Variants in ZBTB20 observed in about 807,000 individuals in gnomAD.
ZBTB20 encodes the protein zinc finger and BTB domain-containing protein 20.
In ZBTB20, 9 loss-of-function variants were observed where a neutral mutation model predicts 56.9. The observed-to-expected ratio is 0.16, with a 90% CI of 0.10 to 0.28. The LOEUF is 0.28. Among genes scored for constraint, ZBTB20 ranks in the 10% least tolerant of loss-of-function variants. The pLI, the probability that ZBTB20 is intolerant of heterozygous loss-of-function variation, is 1.00. For synonymous variants in ZBTB20, 417 were observed against 420.7 expected (o/e 0.99, Z 0.11); for missense variants, 655 against 1,003.0 (o/e 0.65, Z 4.69).
At chr3:114,432,262 A>G in intron 7 of ZBTB20, among the ~76,000 whole-genome samples, 1 of 152,180 alleles carries the variant, frequency 6.6e-6, no homozygotes, top group East Asian at 1.9e-4. Context: ...TCAGGCCAGG[A>G]CACCAAGAGT....
chr3:114,784,460 G>T (rs1204267905), intron 5 of ZBTB20, among the ~76,000 whole-genome samples: 2 of 152,124 alleles, frequency 1.3e-5, no homozygotes, highest in African/African-American at 4.8e-5. Flanking sequence ...CTGATCCACT[G>T]CCCAATCATA....
At chr3:114,896,656 A>G (rs528419999) in intron 4 of ZBTB20, among the ~76,000 whole-genome samples, 1 of 152,216 alleles carries the variant, frequency 6.6e-6, no homozygotes, top group Admixed American at 6.5e-5. Flanking sequence ...TAGTTTTACA[A>G]CATGAAAGTG....
chr3:114,877,107 T>C (rs914373571), intron 4 of ZBTB20, among the ~76,000 whole-genome samples: 2 of 152,238 alleles, frequency 1.3e-5, no homozygotes, highest in Admixed American at 1.3e-4. Flanking sequence ...AGGCATTTAC[T>C]ATATAATTGC....
chr3:114,708,644 A>C (rs2063862218), intron 5 of ZBTB20, among the ~76,000 whole-genome samples: 2 of 152,192 alleles, frequency 1.3e-5, no homozygotes, highest in Admixed American at 1.3e-4. Flanking sequence ...GATACCACTT[A>C]ATTACATGAA....
intron 6 of ZBTB20, among the ~76,000 whole-genome samples, chr3:114,656,309 C>T (rs2060403572): frequency 6.6e-6 from 1 of 152,142 alleles, no homozygotes; most frequent in African/African-American, 2.4e-5. Context: ...AAATTTTGGA[C>T]ATTTTCAGCT....
chr3:114,588,010 T>C (rs569509053), intron 6 of ZBTB20, among the ~76,000 whole-genome samples: 1 of 152,306 alleles, frequency 6.6e-6, no homozygotes, highest in East Asian at 1.9e-4. Flanking sequence ...ATGGAGGGTG[T>C]TTGGCGGCAT....
At chr3:114,519,893 A>C (rs1237379713) in intron 6 of ZBTB20, 1 of 152,196 alleles carries the variant, frequency 6.6e-6, no homozygotes, top group East Asian at 1.9e-4. Flanking sequence ...GAAAATTTCA[A>C]GTATTGTCAG....
intron 4 of ZBTB20, among the ~76,000 whole-genome samples, chr3:114,893,107 A>T (rs545368726): frequency 6.6e-6 from 1 of 152,262 alleles, no homozygotes; most frequent in East Asian, 1.9e-4. Context: ...TTTGTACAAA[A>T]AGGGGCCAAG....
intron 7 of ZBTB20, among the ~76,000 whole-genome samples, chr3:114,415,150 C>T (rs1267918118): frequency 6.6e-6 from 1 of 152,134 alleles, no homozygotes; most frequent in African/African-American, 2.4e-5. Context: ...AATTTCCTTA[C>T]ATTCCCTCAA....
intron 5 of ZBTB20, among the ~76,000 whole-genome samples, chr3:114,791,057 T>C (rs2070925276): frequency 6.6e-6 from 1 of 152,138 alleles, no homozygotes; most frequent in Admixed American, 6.6e-5. Context: ...ATTTATAAAC[T>C]AGCCTTATTC....
chr3:114,463,648 A>G (rs1351262524), intron 7 of ZBTB20, among the ~76,000 whole-genome samples: 1 of 152,194 alleles, frequency 6.6e-6, no homozygotes, highest in Non-Finnish European at 1.5e-5. Flanking sequence ...TTAATATAAA[A>G]AATCTGCTTA....
chr3:114,398,828 C>A (rs1576590019), intron 7 of ZBTB20, among the ~76,000 whole-genome samples: 1 of 152,154 alleles, frequency 6.6e-6, no homozygotes, highest in African/African-American at 2.4e-5. Context: ...CAACTATTTA[C>A]AGAATCTGCT....
intron 7 of ZBTB20, among the ~76,000 whole-genome samples, chr3:114,449,684 A>T (rs1445750805): frequency 6.6e-5 from 2 of 30,514 alleles, no homozygotes; most frequent in Admixed American, 3.5e-4. Context: ...GCCTAGCTTT[A>T]AAAAAAAAAA....
chr3:114,937,901 G>C (rs963816487), intron 3 of ZBTB20, among the ~76,000 whole-genome samples: 4 of 151,968 alleles, frequency 2.6e-5, no homozygotes, highest in African/African-American at 4.8e-5. Flanking sequence ...ATCAAGACCA[G>C]CCTGGCTAAC....
At chr3:114,753,563 T>C (rs1020192344) in intron 5 of ZBTB20, among the ~76,000 whole-genome samples, 1 of 151,654 alleles carries the variant, frequency 6.6e-6, no homozygotes, top group Admixed American at 6.6e-5. Flanking sequence ...GCCACCCAAG[T>C]AGCTTTGATT....
At chr3:114,500,516 G>A (rs568430788) in intron 6 of ZBTB20, 125 bp from the exon 7 acceptor site, 6 of 152,298 alleles carry the variant, frequency 3.9e-5, no homozygotes, top group Non-Finnish European at 7.4e-5. Flanking sequence ...GGGACTGGTT[G>A]TTCCTAAAGG....
Position 114,939,086 on chromosome 3 carries a change from A to C in ZBTB20, c.-456+35280T>G, listed in dbSNP as rs553006913. ...TGAATGTTGTGGTGGATCCACAGGT[A>C]TAGCAGCTGGAGGCTGTCAATTATC... is the stretch of plus-strand genomic sequence containing the variant. On this transcript the variant is annotated intron_variant, in intron 3 of 11. Coordinates refer to ENST00000675478, the MANE Select transcript of ZBTB20 (RefSeq NM_001348800.3). Among the ~76,000 whole-genome samples, 3 of 145,832 alleles carry C rather than the reference A, an allele frequency of 2.1e-5. 1 individual carries two copies. Among genetic ancestry groups the C allele is most frequent in the African/African-American group, 8.4e-5 (3 of 35,524 alleles).
intron 7 of ZBTB20, among the ~76,000 whole-genome samples, chr3:114,486,138 G>T (rs1198478008): frequency 4.0e-5 from 1 of 25,250 alleles, no homozygotes; most frequent in Non-Finnish European, 9.4e-5. Context: ...GTGTGTGTGT[G>T]GGGGGGGGGG....
chr3:114,774,089 T>C (rs915242144), intron 5 of ZBTB20, among the ~76,000 whole-genome samples: 2 of 152,326 alleles, frequency 1.3e-5, no homozygotes, highest in Middle Eastern at 3.4e-3. Flanking sequence ...CTAAAACTTT[T>C]TGAGGTATAA....
Sources: gnomAD v4.1 joint callset for allele counts (sites outside exome capture counted in the v4.1 genomes callset) on GRCh38, gnomAD v4.1.1 for gene constraint, MANE v1.5 for transcripts, NCBI Gene and HGNC (gene_info 2026-07-23, HGNC 2026-07-21) for gene names.